Variants in OTOGL observed in about 807,000 individuals in gnomAD.
The protein encoded by OTOGL is otogelin like.
A neutral mutation model predicts 318.5 loss-of-function variants in OTOGL; 285 were observed. The ratio of observed to expected loss-of-function variants is 0.89; its 90% CI spans 0.81 to 0.99. The LOEUF (loss-of-function observed/expected upper bound fraction) is 0.99. Ranked by LOEUF, OTOGL falls within the 50% of genes least tolerant of loss-of-function variation. OTOGL has a pLI of 0.00. For synonymous variants in OTOGL, 987 were observed against 936.5 expected (o/e 1.05, Z -0.99); for missense variants, 2,899 against 2,845.6 (o/e 1.02, Z -0.43).
intron 13 of OTOGL, 73 bp from the exon 14 acceptor site, chr12:80,253,393 G>T: frequency 7.2e-7 from 1 of 1,383,388 alleles, no homozygotes; most frequent in South Asian, 1.2e-5. Context: ...GAAGTTGGTT[G>T]AATTATTATA....
chr12:80,112,805 G>C (rs1231107160), intron 1 of OTOGL, among the ~76,000 whole-genome samples: 1 of 145,288 alleles, frequency 6.9e-6, no homozygotes, highest in Non-Finnish European at 1.5e-5. Context: ...TTTTTCTATT[G>C]TTTGGAATAG....
At chr12:80,137,247 A>G (rs1263274700) in intron 1 of OTOGL, among the ~76,000 whole-genome samples, 1 of 152,152 alleles carries the variant, frequency 6.6e-6, no homozygotes, top group Non-Finnish European at 1.5e-5. Context: ...CATGTTATAT[A>G]ATAGTATCTC....
At chr12:80,101,783 T>C (rs1239445115) in intron 1 of OTOGL, among the ~76,000 whole-genome samples, 1 of 152,170 alleles carries the variant, frequency 6.6e-6, no homozygotes, top group Non-Finnish European at 1.5e-5. Flanking sequence ...AACTTGAGAT[T>C]GGGATCTGTT....
chr12:80,207,150 A>C (rs1876869015), intron 1 of OTOGL, among the ~76,000 whole-genome samples: 1 of 152,196 alleles, frequency 6.6e-6, no homozygotes, highest in African/African-American at 2.4e-5. Context: ...ATTGAACTGT[A>C]AAATTTAACT....
intron 1 of OTOGL, among the ~76,000 whole-genome samples, chr12:80,126,530 G>C (rs1400538782): frequency 6.6e-6 from 1 of 152,180 alleles, no homozygotes; most frequent in Non-Finnish European, 1.5e-5. Flanking sequence ...ATTTGGGGTG[G>C]AGAGTTCTGT....
In OTOGL at chr12:80,254,540, G is replaced by A. The variant is rs1225958161; in HGVS notation, c.1411G>A (p.Val471Ile). ...TTCTTTTAGTGTGTGTGTTGGTGGA[G>A]TTTGGAACTGCACTGAGCAAGACTG... ...ECTECVCVGG[V>I]WNCTEQDCPV... The change falls in exon 15 of 59, where the codon GTT becomes ATT. Residue 471 changes from valine (V) to isoleucine (I), a missense_variant. Val to Ile is a conservative substitution (Grantham distance 29). Around this residue, in one of 3 missense-constraint regions of OTOGL, gnomAD observed 2,607 missense variants for 2,524.9 expected, o/e 1.03. Coordinates refer to ENST00000547103, the MANE Select transcript of OTOGL (RefSeq NM_001378609.3). The A allele has an allele frequency of 1.2e-6, 2 of 1,608,212 alleles. No individual in the cohort carries two copies. The highest frequency in any genetic ancestry group is 1.7e-6 in the Non-Finnish European group (2 of 1,175,920).
intron 7 of OTOGL, among the ~76,000 whole-genome samples, chr12:80,224,910 G>A (rs372682478): frequency 1.3e-5 from 2 of 151,936 alleles, no homozygotes; most frequent in African/African-American, 4.8e-5. Context: ...TGGATTGTTT[G>A]TAACACAAAG....
At chr12:80,288,307 C>G (rs1358532319) in intron 26 of OTOGL, among the ~76,000 whole-genome samples, 3 of 152,122 alleles carry the variant, frequency 2.0e-5, no homozygotes, top group Non-Finnish European at 4.4e-5. Context: ...GTAACCTGAC[C>G]TTTCTCTCTG....
At chr12:80,110,341 A>G (rs1204001210) in intron 1 of OTOGL, among the ~76,000 whole-genome samples, 2 of 152,068 alleles carry the variant, frequency 1.3e-5, no homozygotes, top group Non-Finnish European at 2.9e-5. Context: ...TGCTGGGATT[A>G]CGGGTGTCAG....
At chr12:80,254,317 G>A (rs1030091387) in intron 14 of OTOGL, among the ~76,000 whole-genome samples, 8 of 151,826 alleles carry the variant, frequency 5.3e-5, no homozygotes, top group Non-Finnish European at 7.4e-5. Flanking sequence ...AAAATTACCA[G>A]TCAATTGAAC....
chr12:80,119,254 T>C (rs1472267251), intron 1 of OTOGL, among the ~76,000 whole-genome samples: 3 of 152,212 alleles, frequency 2.0e-5, no homozygotes, highest in Non-Finnish European at 4.4e-5. Context: ...GACTCTCTCT[T>C]GACTATCTCT....
intron 26 of OTOGL, among the ~76,000 whole-genome samples, chr12:80,293,851 T>C (rs1216752751): frequency 6.6e-6 from 1 of 152,158 alleles, no homozygotes; most frequent in African/African-American, 2.4e-5. Context: ...TGCACTGCTT[T>C]GGGGCAGAAA....
At chr12:80,118,099 G>C (rs573833465) in intron 1 of OTOGL, among the ~76,000 whole-genome samples, 10 of 152,198 alleles carry the variant, frequency 6.6e-5, no homozygotes, top group African/African-American at 2.2e-4. Context: ...AAAGAGGTGG[G>C]GGATCATGCA....
chr12:80,299,993 C>G (rs1362778448), intron 27 of OTOGL, among the ~76,000 whole-genome samples: 1 of 151,996 alleles, frequency 6.6e-6, no homozygotes, highest in Non-Finnish European at 1.5e-5. Flanking sequence ...GCTTTTGTAT[C>G]AGGATAACTG....
chr12:80,235,569 C>G (rs564394787), intron 9 of OTOGL, among the ~76,000 whole-genome samples: 82 of 151,738 alleles, frequency 5.4e-4, no homozygotes, highest in Admixed American at 7.9e-4. Flanking sequence ...AACATCTGCT[C>G]TAGTTAGAGG....
intron 4 of OTOGL, among the ~76,000 whole-genome samples, chr12:80,215,942 C>G (rs1336533400): frequency 6.6e-6 from 1 of 152,138 alleles, no homozygotes; most frequent in East Asian, 1.9e-4. Context: ...GTATTGAGAA[C>G]AGGAGACAAT....
At chr12:80,270,070 G>A in intron 22 of OTOGL, 32 bp from the exon 23 acceptor site, 1 of 1,489,798 alleles carries the variant, frequency 6.7e-7, no homozygotes, top group South Asian at 1.2e-5. Context: ...AACAGATTTG[G>A]TTCCATAAAT....
chr12:80,328,325 C>CAACAAT (rs1041957246), intron 35 of OTOGL, among the ~76,000 whole-genome samples: 2 of 150,996 alleles, frequency 1.3e-5, no homozygotes, highest in African/African-American at 2.4e-5. Context: ...TCACAAACAA[C>CAACAAT]AACAACAACA....
At chr12:80,182,008 T>TA (rs1489517914) in intron 1 of OTOGL, among the ~76,000 whole-genome samples, 15 of 151,838 alleles carry the variant, frequency 9.9e-5, no homozygotes, top group African/African-American at 2.9e-4. Flanking sequence ...TACAAAAAGA[T>TA]AAAAAACAAG....
Sources: gnomAD v4.1 joint callset for allele counts (sites outside exome capture counted in the v4.1 genomes callset) on GRCh38, gnomAD v4.1.1 for gene constraint, gnomAD v4.1.1 regional missense constraint, MANE v1.5 for transcripts, NCBI Gene and HGNC (gene_info 2026-07-23, HGNC 2026-07-21) for gene names.